DCBLD2: variants seen among roughly 807,000 people sequenced by gnomAD.
DCBLD2 encodes the protein discoidin, CUB and LCCL domain-containing protein 2.
DCBLD2 carries 54 observed loss-of-function variants against 86.8 expected under a neutral mutation model. That is an observed-to-expected ratio of 0.62 (90% CI 0.50 to 0.78). The LOEUF (loss-of-function observed/expected upper bound fraction) is 0.78. Ranked by LOEUF, DCBLD2 falls within the 30% of genes least tolerant of loss-of-function variation. DCBLD2 has a pLI of 0.00. For synonymous variants in DCBLD2, 354 were observed against 341.3 expected (o/e 1.04, Z -0.41); for missense variants, 908 against 954.2 (o/e 0.95, Z 0.64).
chr3:98,800,853 C>CA (rs1667034553), intron 14 of DCBLD2, 137 bp from the exon 15 acceptor site: 2 of 842,936 alleles, frequency 2.4e-6, no homozygotes, highest in African/African-American at 1.8e-5. Context: ...TATAATCCAA[C>CA]TTTTTTTTTT....
At chr3:98,862,158 C>T (rs1459151979) in intron 2 of DCBLD2, among the ~76,000 whole-genome samples, 1 of 152,044 alleles carries the variant, frequency 6.6e-6, no homozygotes, top group Non-Finnish European at 1.5e-5. Context: ...GCACACCCTC[C>T]CAAGACTAAA....
intron 2 of DCBLD2, among the ~76,000 whole-genome samples, chr3:98,879,436 G>C (rs971185455): frequency 6.6e-6 from 1 of 151,986 alleles, no homozygotes; most frequent in African/African-American, 2.4e-5. Flanking sequence ...ACCCAGGCTG[G>C]AGTGCAGTGG....
chr3:98,881,502 G>T, intron 2 of DCBLD2, 38 bp downstream of exon 2: 2 of 1,522,524 alleles, frequency 1.3e-6, no homozygotes, highest in Non-Finnish European at 1.8e-6. Context: ...TTGAGACAAT[G>T]ATGTATTTAC....
intron 1 of DCBLD2, among the ~76,000 whole-genome samples, chr3:98,889,730 A>G (rs750547387): frequency 6.6e-6 from 1 of 152,068 alleles, no homozygotes; most frequent in Non-Finnish European, 1.5e-5. Context: ...CAAATACTCT[A>G]TGGACAGTTT....
chr3:98,879,157 A>C (rs1943418321), intron 2 of DCBLD2, among the ~76,000 whole-genome samples: 1 of 152,190 alleles, frequency 6.6e-6, no homozygotes, highest in African/African-American at 2.4e-5. Flanking sequence ...CAAAAGTAGA[A>C]AGAAGAGGGT....
chr3:98,820,012 C>G (rs976395673), intron 7 of DCBLD2, among the ~76,000 whole-genome samples: 2 of 152,182 alleles, frequency 1.3e-5, no homozygotes, highest in African/African-American at 4.8e-5. Flanking sequence ...CTTCTTCAGA[C>G]AAGTTCAAAA....
At chr3:98,811,613 T>C (rs531071826) in intron 10 of DCBLD2, 59 bp from the exon 11 acceptor site, 5 of 1,419,802 alleles carry the variant, frequency 3.5e-6, no homozygotes, top group South Asian at 1.4e-5. Flanking sequence ...TAATTAAAAA[T>C]AGTAATGCTA....
chr3:98,896,315 G>C (rs1430656886), intron 1 of DCBLD2, among the ~76,000 whole-genome samples: 1 of 152,134 alleles, frequency 6.6e-6, no homozygotes, highest in East Asian at 1.9e-4. Context: ...AAATTAGCCT[G>C]ATATTTGTTT....
intron 2 of DCBLD2, among the ~76,000 whole-genome samples, chr3:98,850,896 A>T (rs1466638041): frequency 6.6e-6 from 1 of 152,230 alleles, no homozygotes; most frequent in Non-Finnish European, 1.5e-5. Flanking sequence ...CAAAAAAGTT[A>T]AAAAACTTAG....
chr3:98,868,802 T>G (rs1006736369), intron 2 of DCBLD2, among the ~76,000 whole-genome samples: 1 of 152,154 alleles, frequency 6.6e-6, no homozygotes, highest in African/African-American at 2.4e-5. Flanking sequence ...TAAGGGTGAG[T>G]AGTATTCCAC....
Position 98,901,314 on chromosome 3 carries a change from C to A in DCBLD2, c.13G>T (p.Ala5Ser), listed in dbSNP as rs532118815. Residue 5 changes from alanine (A) to serine (S), a missense_variant, in exon 1 of 16, where the codon GCG becomes TCG. Around this residue, in one of 3 missense-constraint regions of DCBLD2, gnomAD observed 294 missense variants for 256.0 expected, o/e 1.15. Coordinates refer to ENST00000326840, the MANE Select transcript of DCBLD2 (RefSeq NM_080927.4). ...GGGCAGCGCCTGGCTCTCACCACCG[C>A]CCGGCTCGCCATCGCGGCGGCCGGC... Reference protein sequence around the residue: MASRAVVRARRCPQC... With the variant: MASRSVVRARRCPQC... 3.5e-6 allele frequency: 5 copies of A among 1,419,644 alleles called. No individual in the cohort carries two copies. The East Asian group carries it at 1.4e-4, about 39-fold the overall frequency. The allele number at this position is 1,419,644 out of a possible 1,614,324, so 87.9% of individuals were successfully genotyped here.
chr3:98,869,358 T>TGTA (rs1943217277), intron 2 of DCBLD2, among the ~76,000 whole-genome samples: 1 of 152,246 alleles, frequency 6.6e-6, no homozygotes, highest in South Asian at 2.1e-4. Context: ...CTTTGTCAGA[T>TGTA]GTATAGTTTA....
At position 98,809,105 on chromosome 3, in the gene DCBLD2, A is replaced by G. The variant is rs951733444; in HGVS notation, c.1577-931T>C. ...GTGTGACCAGGTCAGAAGCCAGCAT[A>G]ATGCTGGAACTGGGAGAGATTTAGG... On this transcript the variant is annotated intron_variant, in intron 12 of 15. Transcript: ENST00000326840. 2.6e-5 allele frequency among the ~76,000 whole-genome samples: 4 copies of G among 152,148 alleles called. No homozygotes were observed. In the East Asian group the frequency reaches 5.8e-4, roughly 22 times the overall value.
chr3:98,817,838 G>A lies in DCBLD2; in HGVS notation c.1143C>T (p.Tyr381=), dbSNP rs760633676. ...GCCCATCATCACTGTACAGGATTCT[G>A]TAGGCAGACACATAGTAATTGTGCT... is the stretch of plus-strand genomic sequence containing the variant. ...MVEHNYYVSA[Y]RILYSDDGQK... is the part of the protein sequence containing the mutation. The change falls in exon 9 of 16, where the codon TAC becomes TAT. Residue 381 remains tyrosine, a synonymous_variant. Coordinates refer to ENST00000326840, the MANE Select transcript of DCBLD2 (RefSeq NM_080927.4). The A allele has an allele frequency of 1.9e-6, 3 of 1,613,696 alleles. No homozygotes were observed. The highest frequency in any genetic ancestry group is 1.7e-4 in the Middle Eastern group (1 of 6,058).
At chr3:98,809,609 G>A (rs1009632383) in intron 12 of DCBLD2, among the ~76,000 whole-genome samples, 4 of 152,198 alleles carry the variant, frequency 2.6e-5, no homozygotes, top group African/African-American at 9.6e-5. Context: ...GTAACTGAGA[G>A]TGGGTGAAGA....
intron 1 of DCBLD2, among the ~76,000 whole-genome samples, chr3:98,890,988 T>C (rs1444910397): frequency 6.6e-6 from 1 of 152,074 alleles, no homozygotes; most frequent in Non-Finnish European, 1.5e-5. Context: ...AACCTCCACA[T>C]GTCCAGCAGT....
rs56369137 is a variant in DCBLD2 at position 98,797,036 on chromosome 3, T to TAAAAAAAAAAAAAAAAAAAA, written c.*2316_*2335dup. On this transcript the variant is annotated 3_prime_UTR_variant, in exon 16 of 16. Coordinates refer to ENST00000326840, the MANE Select transcript of DCBLD2 (RefSeq NM_080927.4). Reference sequence around the variant, plus strand: ...ATATGTATCAGACATATAAATGTAGTAAAAAAAAAAAAAAAAAAAATAGAA... The same window carrying TAAAAAAAAAAAAAAAAAAAA: ...ATATGTATCAGACATATAAATGTAGTAAAAAAAAAAAAAAAAAAAAAAAAAAAAAAAAAAAAAAAATAGAA... 7.5e-6 allele frequency: 1 copy of TAAAAAAAAAAAAAAAAAAAA among 133,386 alleles called. No individual in the cohort carries two copies. The highest frequency in any genetic ancestry group is 1.6e-5 in the Non-Finnish European group (1 of 62,668). 8.3% of individuals were successfully genotyped at this position (133,386 alleles called of 1,614,324 possible).
intron 3 of DCBLD2, among the ~76,000 whole-genome samples, chr3:98,839,153 T>TTCTTTCTTTC (rs1553727015): frequency 0.053 from 5,822 of 109,342 alleles, 135 homozygotes; most frequent in Middle Eastern, 0.083. Context: ...CCTTCTTTCT[T>TTCTTTCTTTC]TCTTTCTTTC....
intron 12 of DCBLD2, among the ~76,000 whole-genome samples, chr3:98,809,366 A>C (rs1214020748): frequency 1.3e-5 from 2 of 152,148 alleles, no homozygotes; most frequent in African/African-American, 4.8e-5. Context: ...ACTGTATCCA[A>C]AAGAGAGAAA....
Sources: allele counts gnomAD v4.1 joint callset (sites outside exome capture counted in the v4.1 genomes callset), GRCh38; gene constraint gnomAD v4.1.1; regional missense constraint gnomAD v4.1.1; transcripts MANE v1.5; gene names NCBI Gene and HGNC (gene_info 2026-07-23, HGNC 2026-07-21).